The following CNBD1 variants were observed in gnomAD, a reference collection of about 807,000 sequenced individuals.
CNBD1 encodes the protein cyclic nucleotide binding domain containing 1.
CNBD1 carries 71 observed loss-of-function variants against 54.4 expected under a neutral mutation model. The observed-to-expected ratio is 1.30, with a 90% CI of 1.08 to 1.59. The LOEUF (loss-of-function observed/expected upper bound fraction) is 1.59. Ranked by LOEUF, CNBD1 falls within the 40% of genes most tolerant of loss-of-function variation. The pLI is 0.00. For synonymous variants in CNBD1, 182 were observed against 170.7 expected (o/e 1.07, Z -0.51); for missense variants, 659 against 518.0 (o/e 1.27, Z -2.64).
intron 4 of CNBD1, among the ~76,000 whole-genome samples, chr8:86,940,615 A>G (rs1176474863): frequency 6.6e-6 from 1 of 152,208 alleles, no homozygotes; most frequent in Non-Finnish European, 1.5e-5. Context: ...AACGAGTACC[A>G]TGAAAATTAT....
At chr8:87,191,707 A>G (rs1424926036) in intron 4 of CNBD1, among the ~76,000 whole-genome samples, 2 of 152,154 alleles carry the variant, frequency 1.3e-5, no homozygotes. Context: ...ATGTGCAATT[A>G]TTGTTAGCTG....
chr8:87,385,081 T>C (rs1586069089), downstream of CNBD1, among the ~76,000 whole-genome samples: 1 of 152,160 alleles, frequency 6.6e-6, no homozygotes. Context: ...GGACAAGGAC[T>C]GAAGTGAGAT....
At chr8:87,313,710 G>T (rs1318516757) in intron 8 of CNBD1, among the ~76,000 whole-genome samples, 1 of 151,252 alleles carries the variant, frequency 6.6e-6, no homozygotes, top group African/African-American at 2.4e-5. Flanking sequence ...AGATAGAAAA[G>T]AAAAAGAAAT....
chr8:86,869,927 G>A (rs982668054), intron 1 of CNBD1, among the ~76,000 whole-genome samples: 3 of 151,944 alleles, frequency 2.0e-5, no homozygotes, highest in African/African-American at 7.2e-5. Context: ...CCTTTGTTGG[G>A]ATAAATTTGC....
intron 2 of CNBD1, among the ~76,000 whole-genome samples, chr8:87,413,490 C>T (rs1040418568): frequency 2.0e-5 from 3 of 152,020 alleles, no homozygotes; most frequent in African/African-American, 7.2e-5. Context: ...AGCTTAGCCA[C>T]TGAAGGCAAA....
At chr8:87,248,543 G>A (rs923111630) in intron 6 of CNBD1, among the ~76,000 whole-genome samples, 3 of 152,086 alleles carry the variant, frequency 2.0e-5, no homozygotes, top group African/African-American at 7.2e-5. Flanking sequence ...TTTAATACAG[G>A]GCGCTTGATC....
chr8:87,033,179 T>G (rs1051602805), intron 4 of CNBD1, among the ~76,000 whole-genome samples: 4 of 152,224 alleles, frequency 2.6e-5, no homozygotes, highest in African/African-American at 9.6e-5. Context: ...ATTCTTTATA[T>G]CAGGGTTTTC....
chr8:87,384,228 G>C (rs534659146), downstream of CNBD1, among the ~76,000 whole-genome samples: 1 of 152,170 alleles, frequency 6.6e-6, no homozygotes, highest in African/African-American at 2.4e-5. Flanking sequence ...GTAGCCATTA[G>C]ATATTTTTAA....
intron 4 of CNBD1, among the ~76,000 whole-genome samples, chr8:86,943,179 G>A (rs1447637586): frequency 6.6e-6 from 1 of 151,624 alleles, no homozygotes; most frequent in Non-Finnish European, 1.5e-5. Flanking sequence ...TCAAGAGATG[G>A]AAACCATCCT....
chr8:87,041,898 T>C (rs2130610774), intron 4 of CNBD1, among the ~76,000 whole-genome samples: 2 of 152,294 alleles, frequency 1.3e-5, no homozygotes, highest in South Asian at 2.1e-4. Context: ...GGACTAGATA[T>C]CATGCTGCAG....
At chr8:87,327,767 G>T (rs1016280223) in intron 8 of CNBD1, among the ~76,000 whole-genome samples, 1 of 152,138 alleles carries the variant, frequency 6.6e-6, no homozygotes, top group Non-Finnish European at 1.5e-5. Context: ...CGTCTTCTGC[G>T]TCGCTCACGC....
chr8:87,168,362 CATA>C (rs1460819780), intron 4 of CNBD1, among the ~76,000 whole-genome samples: 2 of 151,978 alleles, frequency 1.3e-5, no homozygotes, highest in Non-Finnish European at 2.9e-5. Flanking sequence ...GCATGCAACA[CATA>C]ATAATCACAT....
intron 2 of CNBD1, among the ~76,000 whole-genome samples, chr8:87,411,054 C>A (rs866730022): frequency 3.3e-5 from 5 of 151,760 alleles, no homozygotes; most frequent in Non-Finnish European, 7.4e-5. Flanking sequence ...TTTGGGAAAC[C>A]AAAATTTGTG....
Position 86,962,091 on chromosome 8 carries a change from C to T in CNBD1, c.431+22337C>T, listed in dbSNP as rs1214412512. Among the ~76,000 whole-genome samples the T allele has an allele frequency of 3.3e-5, 5 of 150,202 alleles. No individual in the cohort carries two copies. In the East Asian group the frequency reaches 9.7e-4, roughly 29 times the overall value. ...CATCCACTTGTAATCCCTGGCACTC[C>T]ATGAGGAAAACAGAGGTTTTTTTCA... is the stretch of plus-strand genomic sequence containing the variant. On this transcript the variant is annotated intron_variant, in intron 4 of 10. Coordinates refer to ENST00000518476, the MANE Select transcript of CNBD1 (RefSeq NM_173538.3).
chr8:87,389,257 C>T (rs181282135), intron 2 of CNBD1, among the ~76,000 whole-genome samples: 330 of 152,208 alleles, frequency 2.2e-3, no homozygotes, highest in African/African-American at 6.8e-3. Context: ...CCAGGGCAAT[C>T]AGGCAGGAGA....
At chr8:87,135,785 C>T (rs1329990016) in intron 4 of CNBD1, among the ~76,000 whole-genome samples, 2 of 151,370 alleles carry the variant, frequency 1.3e-5, no homozygotes, top group Admixed American at 6.6e-5. Flanking sequence ...AAATGATTAG[C>T]ATCCTAAAAC....
chr8:86,892,565 T>C lies in CNBD1; in HGVS notation c.158+4954T>C, dbSNP rs1808785580. Among the ~76,000 whole-genome samples the C allele has an allele frequency of 4.6e-5, 7 of 152,248 alleles. No homozygotes were observed. The South Asian group carries it at 1.4e-3, about 32-fold the overall frequency. On this transcript the variant is annotated intron_variant, in intron 2 of 10. Transcript: ENST00000518476. ...TGCTCAAAATATATCTGAAATGTTA[T>C]GCTTTTATAATAAAGAAGAAAATAA...
intron 4 of CNBD1, among the ~76,000 whole-genome samples, chr8:86,973,131 C>T (rs1174760864): frequency 1.3e-5 from 2 of 152,218 alleles, no homozygotes; most frequent in Middle Eastern, 3.4e-3. Flanking sequence ...CTGTTTGGCT[C>T]CTACCTACTC....
intron 4 of CNBD1, among the ~76,000 whole-genome samples, chr8:87,139,052 C>T (rs995971134): frequency 3.3e-5 from 5 of 152,116 alleles, no homozygotes; most frequent in African/African-American, 9.7e-5. Flanking sequence ...CCTCTTTTGT[C>T]GTAATTTTTC....
Sources: allele counts gnomAD v4.1 joint callset (sites outside exome capture counted in the v4.1 genomes callset), GRCh38; gene constraint gnomAD v4.1.1; transcripts MANE v1.5; gene names NCBI Gene and HGNC (gene_info 2026-07-23, HGNC 2026-07-21).